The following ARMH3 variants were observed in gnomAD, a reference collection of about 807,000 sequenced individuals.
ARMH3 encodes armadillo like helical domain containing 3.
ARMH3 carries 60 observed loss-of-function variants against 99.1 expected under a neutral mutation model. The ratio of observed to expected loss-of-function variants is 0.61; its 90% confidence interval spans 0.49 to 0.75. The LOEUF (loss-of-function observed/expected upper bound fraction) is 0.75, where lower values mean the gene tolerates loss of function less well. Ranked by LOEUF, ARMH3 falls within the 30% of genes least tolerant of loss-of-function variation. ARMH3 has a pLI of 0.00. For synonymous variants in ARMH3, 285 were observed against 292.8 expected (o/e 0.97, Z 0.27); for missense variants, 679 against 843.1 (o/e 0.81, Z 2.41).
chr10:102,011,874 T>A, intron 10 of ARMH3, 91 bp from the exon 11 acceptor site: 1 of 979,056 alleles, frequency 1.0e-6, no homozygotes, highest in Non-Finnish European at 1.5e-6. Context: ...AGAGCACTCT[T>A]AAAATTCTCT....
chr10:101,944,269 TATATAGAGAGAGAGAGAG>T (rs1241801661), intron 22 of ARMH3, among the ~76,000 whole-genome samples: 37 of 44,906 alleles, frequency 8.2e-4, no homozygotes, highest in Admixed American at 1.2e-3. Flanking sequence ...TATATATATA[TATATAGAGAGAGAGAGAG>T]AGAGAGAGAG....
intron 12 of ARMH3, 92 bp downstream of exon 12, chr10:102,009,885 G>C: frequency 8.3e-7 from 1 of 1,211,194 alleles, no homozygotes; most frequent in Non-Finnish European, 1.2e-6. Context: ...TTCTGTAAAA[G>C]ATTAGCAAGA....
At chr10:101,959,902 G>A (rs1845202968) in intron 20 of ARMH3, among the ~76,000 whole-genome samples, 1 of 152,210 alleles carries the variant, frequency 6.6e-6, no homozygotes, top group Non-Finnish European at 1.5e-5. Flanking sequence ...CAGGGGCTGG[G>A]CGCAGTGGCT....
intron 2 of ARMH3, among the ~76,000 whole-genome samples, chr10:102,038,636 C>T (rs61873642): frequency 0.013 from 1,929 of 152,308 alleles, 22 homozygotes; most frequent in Middle Eastern, 0.037. Context: ...AATGAGGATA[C>T]TACCAGTGCC....
chr10:101,918,674 A>C (rs1443277727), intron 23 of ARMH3, among the ~76,000 whole-genome samples: 2 of 152,228 alleles, frequency 1.3e-5, no homozygotes, highest in African/African-American at 4.8e-5. Flanking sequence ...CGAATAAAAT[A>C]CTATGCATTT....
intron 23 of ARMH3, among the ~76,000 whole-genome samples, chr10:101,921,163 T>G (rs1170547175): frequency 6.6e-6 from 1 of 152,182 alleles, no homozygotes; most frequent in African/African-American, 2.4e-5. Flanking sequence ...AAAACGTTTT[T>G]TAAAAGGATT....
At chr10:101,980,279 C>T (rs1846169766) in intron 19 of ARMH3, among the ~76,000 whole-genome samples, 1 of 152,074 alleles carries the variant, frequency 6.6e-6, no homozygotes, top group African/African-American at 2.4e-5. Context: ...CCGGCTCCTC[C>T]TTTTGTCTTT....
intron 20 of ARMH3, among the ~76,000 whole-genome samples, chr10:101,963,398 A>G (rs1344062143): frequency 1.3e-5 from 2 of 151,964 alleles, no homozygotes; most frequent in Non-Finnish European, 2.9e-5. Flanking sequence ...CGGCCTCCCA[A>G]AGTGCTGGGA....
chr10:102,012,763 T>C (rs1490566112), intron 10 of ARMH3, 70 bp downstream of exon 10: 5 of 1,459,030 alleles, frequency 3.4e-6, no homozygotes, highest in African/African-American at 1.4e-5. Flanking sequence ...ACCCAAGAAC[T>C]CTAACAAAAC....
intron 1 of ARMH3, 75 bp downstream of exon 1, chr10:102,056,010 C>A (rs2067844470): frequency 6.6e-6 from 1 of 152,376 alleles, no homozygotes; most frequent in African/African-American, 2.4e-5. Flanking sequence ...GCCTCGGGGC[C>A]AAGGCCTAGT....
At chr10:101,941,275 TTATA>T (rs913411224) in intron 22 of ARMH3, among the ~76,000 whole-genome samples, 1 of 152,178 alleles carries the variant, frequency 6.6e-6, no homozygotes, top group Admixed American at 6.5e-5. Context: ...GAAAGAATTG[TTATA>T]TATAAAGCTC....
At position 102,011,720 on chromosome 10, in the gene ARMH3, T is replaced by C; in HGVS notation, c.831+3A>G. The C allele has an allele frequency of 6.2e-7, 1 of 1,605,754 alleles. No homozygotes were observed. The highest frequency in any genetic ancestry group is 8.5e-7 in the Non-Finnish European group (1 of 1,176,050). On this transcript the variant is annotated splice_donor_region_variant and intron_variant, in intron 11 of 25. Coordinates refer to ENST00000370033, the MANE Select transcript of ARMH3 (RefSeq NM_024541.3). ...CAGGAGAAAAAAAAAAAGCAGGACTTACCATATTTGTTAAAGCAGAGAAAA... is the reference window on the plus strand; with the variant it reads ...CAGGAGAAAAAAAAAAAGCAGGACTCACCATATTTGTTAAAGCAGAGAAAA...
intron 25 of ARMH3, among the ~76,000 whole-genome samples, chr10:101,848,405 G>A (rs763030029): frequency 1.2e-4 from 18 of 152,204 alleles, no homozygotes; most frequent in Non-Finnish European, 2.4e-4. Context: ...CCTACTCTGA[G>A]AGGGTTCCAA....
chr10:101,929,213 G>A (rs1234729910), intron 23 of ARMH3, among the ~76,000 whole-genome samples: 1 of 152,166 alleles, frequency 6.6e-6, no homozygotes, highest in East Asian at 1.9e-4. Flanking sequence ...TTTTGTACTT[G>A]TACTTTGTTA....
chr10:101,866,337 GA>G (rs1324017859), intron 24 of ARMH3, among the ~76,000 whole-genome samples: 3 of 152,096 alleles, frequency 2.0e-5, no homozygotes, highest in African/African-American at 7.2e-5. Flanking sequence ...TGCCATGAGA[GA>G]GACTGAAAGT....
At chr10:102,022,375 C>T (rs1468482526) in intron 8 of ARMH3, among the ~76,000 whole-genome samples, 2 of 150,554 alleles carry the variant, frequency 1.3e-5, no homozygotes, top group Non-Finnish European at 3.0e-5. Context: ...GCCTGTAGTC[C>T]CAGCTACTGG....
chr10:101,922,805 T>G (rs563885251), intron 23 of ARMH3, among the ~76,000 whole-genome samples: 1 of 152,294 alleles, frequency 6.6e-6, no homozygotes, highest in East Asian at 1.9e-4. Flanking sequence ...AGATAGCTAC[T>G]CCTGCTGCCT....
rs536074614 is a variant in ARMH3 at position 102,003,601 on chromosome 10, G to C, written c.1049-1529C>G. 2.0e-5 allele frequency among the ~76,000 whole-genome samples: 3 copies of C among 152,312 alleles called. No homozygotes were observed. The South Asian group carries it at 6.2e-4, about 32-fold the overall frequency. ...CTTATAATGGCCCAAAAAAGCTAGA[G>C]AATCTATGGCTTTCTGCTACATTTT... On this transcript the variant is annotated intron_variant, in intron 14 of 25. Transcript: ENST00000370033.
intron 23 of ARMH3, among the ~76,000 whole-genome samples, chr10:101,892,763 A>G (rs1414537100): frequency 6.6e-6 from 1 of 152,238 alleles, no homozygotes; most frequent in Admixed American, 6.5e-5. Flanking sequence ...TTTATAGTAC[A>G]TATAATAAAA....
Sources: gnomAD v4.1 joint callset for allele counts (sites outside exome capture counted in the v4.1 genomes callset) on GRCh38, gnomAD v4.1.1 for gene constraint, MANE v1.5 for transcripts, NCBI Gene and HGNC (gene_info 2026-07-23, HGNC 2026-07-21) for gene names.